The following TXLNB variants were observed in gnomAD, a reference collection of about 807,000 sequenced individuals.
TXLNB encodes beta-taxilin.
A neutral mutation model predicts 57.4 loss-of-function variants in TXLNB; 37 were observed. That is an observed-to-expected ratio of 0.64 (90% CI 0.50 to 0.85). The LOEUF (loss-of-function observed/expected upper bound fraction) is 0.85, where lower values mean the gene tolerates loss of function less well. Ranked by LOEUF, TXLNB falls within the 40% of genes least tolerant of loss-of-function variation. The pLI is 0.00. For synonymous variants in TXLNB, 302 were observed against 309.6 expected (o/e 0.98, Z 0.26); for missense variants, 848 against 825.6 (o/e 1.03, Z -0.33).
intron 7 of TXLNB, among the ~76,000 whole-genome samples, chr6:139,253,707 T>G (rs1326641596): frequency 6.6e-6 from 1 of 152,150 alleles, no homozygotes; most frequent in African/African-American, 2.4e-5. Flanking sequence ...ATATTTGTAT[T>G]GTACAGGTCA....
At chr6:139,192,978 A>AC in the TXLNB span, among the ~76,000 whole-genome samples, 629 of 148,368 alleles carry the variant, frequency 4.2e-3, 4 homozygotes, top group African/African-American at 5.4e-3. Context: ...CAAAAAACAA[A>AC]AAAAAAAAAC....
chr6:139,309,380 C>T, the TXLNB span, among the ~76,000 whole-genome samples: 1 of 152,178 alleles, frequency 6.6e-6, no homozygotes, highest in Non-Finnish European at 1.5e-5. Flanking sequence ...GATTTCTAAA[C>T]AGTAGATCTT....
chr6:139,309,354 C>G, the TXLNB span, among the ~76,000 whole-genome samples: 1 of 152,232 alleles, frequency 6.6e-6, no homozygotes, highest in Non-Finnish European at 1.5e-5. Context: ...AAATCAGTTT[C>G]TCTTGTTTGC....
the TXLNB span, among the ~76,000 whole-genome samples, chr6:139,318,939 C>CTTTTTTTTTT: frequency 8.3e-6 from 1 of 120,352 alleles, no homozygotes; most frequent in Non-Finnish European, 1.7e-5. Context: ...GTCTTCCTTC[C>CTTTTTTTTTT]TTTTTTTTTT....
At chr6:139,176,950 A>T in the TXLNB span, 1 of 871,938 alleles carries the variant, frequency 1.1e-6, no homozygotes, top group Admixed American at 1.7e-5. The surrounding 1 kb of genome is among the most constrained non-coding windows in gnomAD (Gnocchi z 4.5). Context: ...GGCCCGCCTG[A>T]ACTGTAAGCA....
chr6:139,295,518 C>A (rs1349495221), upstream of TXLNB, among the ~76,000 whole-genome samples: 1 of 152,042 alleles, frequency 6.6e-6, no homozygotes, highest in Admixed American at 6.5e-5. Flanking sequence ...GTTCTTCCAC[C>A]TTCCTCCAAC....
At position 139,261,142 on chromosome 6, in the gene TXLNB, A is replaced by T. The variant is rs754364482; in HGVS notation, c.883-705T>A. On this transcript the variant is annotated intron_variant, in intron 5 of 9. Transcript: ENST00000358430. ...TAAATTCCTGGTCACTGGGAGGTCC[A>T]ATCAGAAACAGGACATGGAATTCTC... Among the ~76,000 whole-genome samples, 4 of 152,336 alleles carry T rather than the reference A, an allele frequency of 2.6e-5. No homozygotes were observed. The South Asian group carries it at 8.3e-4, about 32-fold the overall frequency.
At chr6:139,264,658 C>CA (rs1410318556) in intron 4 of TXLNB, among the ~76,000 whole-genome samples, 3 of 152,240 alleles carry the variant, frequency 2.0e-5, no homozygotes, top group Non-Finnish European at 2.9e-5. Flanking sequence ...CACCCGAGTT[C>CA]AAGTGATTCT....
downstream of TXLNB, chr6:139,237,540 A>C (rs1775850174): frequency 6.6e-6 from 1 of 151,982 alleles, no homozygotes; most frequent in African/African-American, 2.4e-5. Context: ...AAGAAAAAGA[A>C]ATGATGTAAT....
At chr6:139,236,598 C>G (rs1050499790), downstream of TXLNB, among the ~76,000 whole-genome samples, 1 of 152,166 alleles carries the variant, frequency 6.6e-6, no homozygotes, top group East Asian at 1.9e-4. Context: ...TTTCCTGAGG[C>G]CTCCCAAGCC....
the TXLNB span, among the ~76,000 whole-genome samples, chr6:139,195,356 A>AT: frequency 6.6e-6 from 1 of 152,202 alleles, no homozygotes; most frequent in Non-Finnish European, 1.5e-5. Flanking sequence ...TACAATGATT[A>AT]TTTTCACCTA....
chr6:139,251,295 T>G (rs1463473819), intron 7 of TXLNB, among the ~76,000 whole-genome samples: 4 of 152,230 alleles, frequency 2.6e-5, no homozygotes. Flanking sequence ...ACTTTTTCCA[T>G]CTTGCAAAAT....
In TXLNB at chr6:139,267,190, T is replaced by G. The variant is rs1776637551; in HGVS notation, c.687+3266A>C. Among the ~76,000 whole-genome samples the G allele has an allele frequency of 2.0e-5, 3 of 152,092 alleles. No individual in the cohort carries two copies. In the South Asian group the frequency reaches 6.2e-4, roughly 31 times the overall value. On this transcript the variant is annotated intron_variant, in intron 4 of 9. Transcript: ENST00000358430. ...GTGAAGCTACAGAATGAATAAGAAG[T>G]ATCAGGAATGGTAAACATCTGGGTA...
chr6:139,172,110 C>T, the TXLNB span, among the ~76,000 whole-genome samples: 1 of 152,106 alleles, frequency 6.6e-6, no homozygotes, highest in African/African-American at 2.4e-5. Context: ...GGATTATAGG[C>T]GTGAGCCACT....
At chr6:139,275,894 G>A (rs867039930) in intron 3 of TXLNB, among the ~76,000 whole-genome samples, 1 of 152,324 alleles carries the variant, frequency 6.6e-6, no homozygotes, top group African/African-American at 2.4e-5. Context: ...TAAATCTACT[G>A]TTGGGGGCAG....
chr6:139,299,455 T>C, the TXLNB span, among the ~76,000 whole-genome samples: 1 of 152,224 alleles, frequency 6.6e-6, no homozygotes, highest in Admixed American at 6.5e-5. Flanking sequence ...CAACTGTTAA[T>C]AGTCCCAACT....
the TXLNB span, among the ~76,000 whole-genome samples, chr6:139,304,726 C>G: frequency 6.6e-6 from 1 of 152,196 alleles, no homozygotes; most frequent in Admixed American, 6.5e-5. Context: ...GAGAGTCCAG[C>G]CTTTAATGAA....
chr6:139,194,510 T>A, the TXLNB span, among the ~76,000 whole-genome samples: 3 of 152,182 alleles, frequency 2.0e-5, no homozygotes, highest in Non-Finnish European at 2.9e-5. Context: ...TCATCCTAAA[T>A]TCTTCTTTTT....
At chr6:139,227,391 G>A in the TXLNB span, among the ~76,000 whole-genome samples, 3 of 151,744 alleles carry the variant, frequency 2.0e-5, no homozygotes, top group African/African-American at 4.8e-5. Flanking sequence ...ATTACTATAC[G>A]CTTCCAAATG....
Sources: gnomAD v4.1 joint callset for allele counts (sites outside exome capture counted in the v4.1 genomes callset) on GRCh38, gnomAD v4.1.1 for gene constraint, Gnocchi (gnomAD v3.1) non-coding constraint, MANE v1.5 for transcripts, NCBI Gene and HGNC (gene_info 2026-07-23, HGNC 2026-07-21) for gene names.